Variants in SLC38A1 observed in about 807,000 individuals in gnomAD.
SLC38A1 encodes solute carrier family 38 member 1.
SLC38A1 carries 18 observed loss-of-function variants against 60.3 expected under a neutral mutation model. That is an observed-to-expected ratio of 0.30 (90% CI 0.21 to 0.44). SLC38A1 has a LOEUF of 0.44. Among genes scored for constraint, SLC38A1 ranks in the 20% least tolerant of loss-of-function variants. The pLI is 1.00. For synonymous variants in SLC38A1, 196 were observed against 212.1 expected, an observed-to-expected ratio of 0.92 and a Z score of 0.66; for missense variants, 448 against 587.2, an observed-to-expected ratio of 0.76 and a Z score of 2.45.
intron 5 of SLC38A1, among the ~76,000 whole-genome samples, chr12:46,226,315 A>G (rs774884927): frequency 3.9e-5 from 6 of 152,160 alleles, no homozygotes; most frequent in South Asian, 2.1e-4. Flanking sequence ...AAAAAAAACT[A>G]TCATTAGAAT....
At chr12:46,220,106 A>C (rs192081059) in intron 5 of SLC38A1, among the ~76,000 whole-genome samples, 4 of 152,346 alleles carry the variant, frequency 2.6e-5, no homozygotes. Context: ...TACACATGCC[A>C]ACTATTTCTG....
At chr12:46,242,839 A>G (rs542061827) in intron 2 of SLC38A1, among the ~76,000 whole-genome samples, 2 of 152,182 alleles carry the variant, frequency 1.3e-5, no homozygotes, top group Admixed American at 1.3e-4. Flanking sequence ...TCACTGTAGA[A>G]TCTTTAGAAC....
At position 46,207,121 on chromosome 12, in the gene SLC38A1, T is replaced by C. The variant is rs552816284; in HGVS notation, c.563+34A>G. On this transcript the variant is annotated intron_variant, in intron 8 of 16. Transcript: ENST00000398637. Reference sequence around the variant, plus strand: ...GCCCATATTTAAATTAAAAACATTTTAGTTATATCATAAAAAAATGGTCTA... The same window carrying C: ...GCCCATATTTAAATTAAAAACATTTCAGTTATATCATAAAAAAATGGTCTA... 106 of 1,395,996 alleles carry C rather than the reference T, an allele frequency of 7.6e-5. No homozygotes were observed. The South Asian group carries it at 1.3e-3, about 17-fold the overall frequency. The allele number at this position is 1,395,996 out of a possible 1,614,324, so 86.5% of individuals were successfully genotyped here.
intron 1 of SLC38A1, among the ~76,000 whole-genome samples, chr12:46,247,635 C>A (rs1941667437): frequency 6.6e-6 from 1 of 152,194 alleles, no homozygotes; most frequent in African/African-American, 2.4e-5. Flanking sequence ...AGGAGAACTT[C>A]CACAACCTAG....
chr12:46,197,741 A>T lies in SLC38A1; in HGVS notation c.1341T>A (p.Asp447Glu), dbSNP rs780750803. The T allele has an allele frequency of 3.1e-6, 5 of 1,597,242 alleles. No homozygotes were observed. The Admixed American group carries it at 9.1e-5, about 29-fold the overall frequency. The change falls in exon 16 of 17, where the codon GAT (aspartate) becomes GAA (glutamate). Residue 447 changes from aspartate (D) to glutamate (E), a missense_variant. Transcript: ENST00000398637. ...ATACCCAAATTCTTTGAGTTCCTTT[A>T]TCTCCATCCTGGTCTGTGATTTTTA... ...LYLKITDQDG[D>E]KGTQRIWAAL...
intron 3 of SLC38A1, among the ~76,000 whole-genome samples, chr12:46,230,024 G>A (rs2125645): frequency 0.55 from 83,219 of 152,034 alleles, 23,043 homozygotes; most frequent in East Asian, 0.77. Context: ...AACACTATAT[G>A]CAACATAAAT....
chr12:46,263,004 A>G (rs1942244874), intron 1 of SLC38A1, among the ~76,000 whole-genome samples: 2 of 152,230 alleles, frequency 1.3e-5, no homozygotes, highest in African/African-American at 2.4e-5. Context: ...TCCAAAGATA[A>G]GAAGGTGGAC....
At chr12:46,206,000 G>C (rs2137170160) in intron 9 of SLC38A1, 80 bp downstream of exon 9, 1 of 832,150 alleles carries the variant, frequency 1.2e-6, no homozygotes, top group East Asian at 2.5e-5. Flanking sequence ...GGGAAGCAGA[G>C]GGCAACACTG....
chr12:46,188,830 A>G lies in SLC38A1; in HGVS notation c.*140T>C, dbSNP rs1939024943. 1.5e-6 allele frequency: 1 copy of G among 647,796 alleles called. No individual in the cohort carries two copies. The highest frequency in any genetic ancestry group is 2.6e-6 in the Non-Finnish European group (1 of 378,362). The allele number at this position is 647,796 out of a possible 1,614,324, so 40.1% of individuals were successfully genotyped here. A position where few individuals can be genotyped will look rare whatever the true frequency, so the allele number is the denominator to read the frequency against. ...TATAGAACCATGTCTCTGTTTTGCA[A>G]CCAAAAAGTTATTCCATTTTAAGTA... On this transcript the variant is annotated 3_prime_UTR_variant, in exon 17 of 17. Coordinates refer to ENST00000398637, the MANE Select transcript of SLC38A1 (RefSeq NM_030674.4).
At position 46,190,675 on chromosome 12, in the gene SLC38A1, T is replaced by C. The variant is rs377606906; in HGVS notation, c.1363-1604A>G. ...TCATTGTGGTTTTGATTTGCATTTC[T>C]CTGATGACCAGTGATGATGAGCATT... On this transcript the variant is annotated intron_variant, in intron 16 of 16. Coordinates refer to ENST00000398637, the MANE Select transcript of SLC38A1 (RefSeq NM_030674.4). Among the ~76,000 whole-genome samples, 386 of 152,384 alleles carry C rather than the reference T, an allele frequency of 2.5e-3. 13 individuals are homozygous for C. In the South Asian group the frequency reaches 0.075, roughly 29 times the overall value.
intron 16 of SLC38A1, chr12:46,196,256 A>T (rs1296665895): frequency 1.2e-5 from 19 of 1,535,892 alleles, no homozygotes; most frequent in Non-Finnish European, 1.7e-5. Flanking sequence ...GCTGGACTGG[A>T]AACTGGAGGA....
chr12:46,198,889 A>T, intron 13 of SLC38A1, 146 bp from the exon 14 acceptor site: 1 of 607,322 alleles, frequency 1.6e-6, no homozygotes, highest in Non-Finnish European at 2.9e-6. Flanking sequence ...CAGGTTGGAA[A>T]GAAAAATCTC....
intron 16 of SLC38A1, chr12:46,197,283 A>T (rs1939422256): frequency 6.1e-6 from 1 of 164,260 alleles, no homozygotes; most frequent in Non-Finnish European, 1.3e-5. Context: ...AGGTCAGGAG[A>T]TACAGACCAT....
At chr12:46,224,198 G>A (rs1940775761) in intron 5 of SLC38A1, among the ~76,000 whole-genome samples, 2 of 152,086 alleles carry the variant, frequency 1.3e-5, no homozygotes, top group African/African-American at 4.8e-5. Context: ...TTACCCTGAG[G>A]TACTTGTGCC....
chr12:46,211,156 T>C (rs1940152252), intron 5 of SLC38A1, among the ~76,000 whole-genome samples: 1 of 152,242 alleles, frequency 6.6e-6, no homozygotes, highest in Non-Finnish European at 1.5e-5. Context: ...GACACAATGC[T>C]AAGTAGCCAC....
intron 2 of SLC38A1, among the ~76,000 whole-genome samples, chr12:46,241,557 A>T (rs531918025): frequency 1.9e-4 from 29 of 152,336 alleles, no homozygotes; most frequent in African/African-American, 6.7e-4. Flanking sequence ...GAGAGCCAGG[A>T]CAGGGAGATT....
intron 6 of SLC38A1, among the ~76,000 whole-genome samples, chr12:46,208,612 C>G (rs566375777): frequency 4.6e-5 from 7 of 152,294 alleles, no homozygotes; most frequent in Admixed American, 3.3e-4. Flanking sequence ...GAAGTCTCTT[C>G]ATAGCTTGCT....
intron 14 of SLC38A1, 100 bp from the exon 15 acceptor site, chr12:46,198,160 G>A: frequency 7.6e-7 from 1 of 1,313,266 alleles, no homozygotes; most frequent in Non-Finnish European, 1.0e-6. Flanking sequence ...AGGAATTCAT[G>A]AAATGTTTTG....
intron 16 of SLC38A1, chr12:46,196,023 A>G: frequency 1.1e-6 from 1 of 893,878 alleles, no homozygotes; most frequent in Non-Finnish European, 1.7e-6. Flanking sequence ...GAAATCACCC[A>G]TCTTCTACAT....
Sources: gnomAD v4.1 joint callset for allele counts (sites outside exome capture counted in the v4.1 genomes callset) on GRCh38, gnomAD v4.1.1 for gene constraint, MANE v1.5 for transcripts, NCBI Gene and HGNC (gene_info 2026-07-23, HGNC 2026-07-21) for gene names.